Variants in WFDC8 observed in about 807,000 individuals in gnomAD.
The protein encoded by WFDC8 is WAP four-disulfide core domain protein 8.
A neutral mutation model predicts 27.0 loss-of-function variants in WFDC8; 24 were observed. That is an observed-to-expected ratio of 0.89 (90% confidence interval 0.64 to 1.25). The LOEUF (loss-of-function observed/expected upper bound fraction) is 1.25. WFDC8 is among the 50% of genes most tolerant of loss of function. The pLI, the probability that WFDC8 is intolerant of heterozygous loss-of-function variation, is 0.00. For synonymous variants in WFDC8, 106 were observed against 99.7 expected, an observed-to-expected ratio of 1.06 and a Z score of -0.38; for missense variants, 287 against 295.9, an observed-to-expected ratio of 0.97 and a Z score of 0.22.
intron 1 of WFDC8, among the ~76,000 whole-genome samples, chr20:45,570,855 C>T (rs1034538292): frequency 2.6e-5 from 4 of 152,152 alleles, no homozygotes; most frequent in African/African-American, 7.2e-5. Context: ...TTATTTTAGT[C>T]GTTCTAATAG....
intron 1 of WFDC8, among the ~76,000 whole-genome samples, chr20:45,573,106 C>G (rs545524963): frequency 2.0e-5 from 3 of 152,124 alleles, no homozygotes; most frequent in African/African-American, 7.2e-5. Flanking sequence ...GCTATGCAAA[C>G]GCTTTGTAAT....
Position 45,562,107 on chromosome 20 carries a change from C to G in WFDC8, c.136+3G>C. 6.2e-7 allele frequency: 1 copy of G among 1,613,616 alleles called. No individual in the cohort carries two copies. The highest frequency in any genetic ancestry group is 8.5e-7 in the Non-Finnish European group (1 of 1,179,666). ...AGAATGGCTGCAGCTTTTTTGAACT[C>G]ACGTTTGATCTTCTTGGTCAGCATT... On this transcript the variant is annotated splice_donor_region_variant and intron_variant, in intron 2 of 5. Coordinates refer to ENST00000289953, the MANE Select transcript of WFDC8 (RefSeq NM_130896.3).
At chr20:45,557,686 G>A (rs1980313914) in intron 3 of WFDC8, among the ~76,000 whole-genome samples, 1 of 152,162 alleles carries the variant, frequency 6.6e-6, no homozygotes, top group Admixed American at 6.5e-5. Context: ...ACCCGCCTTG[G>A]CCTCCCAAAG....
At chr20:45,565,902 G>GT (rs200006253) in intron 1 of WFDC8, among the ~76,000 whole-genome samples, 2,905 of 152,178 alleles carry the variant, frequency 0.019, 108 homozygotes, top group Admixed American at 0.099. Flanking sequence ...GTGCCATCAA[G>GT]TTTTTTAAAA....
intron 3 of WFDC8, among the ~76,000 whole-genome samples, chr20:45,558,614 G>A: frequency 6.6e-6 from 1 of 152,192 alleles, no homozygotes; most frequent in Non-Finnish European, 1.5e-5. Context: ...CATGCAACAA[G>A]TATTAGTTAT....
At position 45,575,556 on chromosome 20, in the gene WFDC8, TG is replaced by T. The variant is rs1234547319; in HGVS notation, c.26+3665del. On this transcript the variant is annotated intron_variant, in intron 1 of 5. Transcript: ENST00000289953. Reference sequence around the variant, plus strand: ...AGATATTTCATATTCATATTTCATATGGATTAGAAGAATTAATATTGTTAAA... The same window carrying T: ...AGATATTTCATATTCATATTTCATATGATTAGAAGAATTAATATTGTTAAA... 7.9e-5 allele frequency among the ~76,000 whole-genome samples: 12 copies of T among 151,386 alleles called. 1 individual carries two copies. Among genetic ancestry groups the T allele is most frequent in the Non-Finnish European group, 1.8e-4 (12 of 67,708 alleles).
At chr20:45,565,022 A>AAGAAAG (rs1555798557) in intron 1 of WFDC8, among the ~76,000 whole-genome samples, 1,849 of 64,426 alleles carry the variant, frequency 0.029, 42 homozygotes, top group African/African-American at 0.086. Context: ...AAGAGAAAGA[A>AAGAAAG]AGGAAGGAAG....
chr20:45,561,718 A>G lies in WFDC8; in HGVS notation c.136+392T>C, dbSNP rs1980473899. On this transcript the variant is annotated intron_variant, in intron 2 of 5. Coordinates refer to ENST00000289953, the MANE Select transcript of WFDC8 (RefSeq NM_130896.3). ...CAGGCTCATGCCTAGTGACTTATTA[A>G]TTAAAAAACAATTAAACTTGCGTGT... Among the ~76,000 whole-genome samples the G allele has an allele frequency of 3.4e-5, 5 of 148,522 alleles. No homozygotes were observed. In the South Asian group the frequency reaches 1.1e-3, roughly 32 times the overall value.
intron 1 of WFDC8, among the ~76,000 whole-genome samples, chr20:45,567,561 C>A (rs6104228): frequency 0.37 from 56,027 of 151,988 alleles, 10,945 homozygotes; most frequent in Non-Finnish European, 0.43. Flanking sequence ...CTGCTGTGAC[C>A]TTCTCACTAG....
intron 1 of WFDC8, among the ~76,000 whole-genome samples, chr20:45,565,277 G>A (rs2868305): frequency 0.39 from 58,433 of 151,572 alleles, 11,671 homozygotes; most frequent in Non-Finnish European, 0.43. Flanking sequence ...TTTTACCTCC[G>A]TCTACCCTTT....
chr20:45,576,341 C>A (rs560895311), intron 1 of WFDC8, among the ~76,000 whole-genome samples: 2 of 150,662 alleles, frequency 1.3e-5, no homozygotes, highest in African/African-American at 4.8e-5. Context: ...TGAACTGAGT[C>A]TTTTACCATT....
intron 1 of WFDC8, 131 bp downstream of exon 1, chr20:45,579,091 T>C: frequency 2.4e-6 from 2 of 838,606 alleles, no homozygotes; most frequent in Non-Finnish European, 4.0e-6. Flanking sequence ...CTCTGTTCTG[T>C]GGAACCCCTC....
chr20:45,552,984 T>C lies in WFDC8; in HGVS notation c.586+152A>G, dbSNP rs1293810576. On this transcript the variant is annotated intron_variant, in intron 5 of 5. Coordinates refer to ENST00000289953, the MANE Select transcript of WFDC8 (RefSeq NM_130896.3). Reference sequence around the variant, plus strand: ...GTCTTCAGAGGTCAAGAGGTCAATATAACTTGTTGGGCATTAAAAGGGGTT... The same window carrying C: ...GTCTTCAGAGGTCAAGAGGTCAATACAACTTGTTGGGCATTAAAAGGGGTT... 7 of 866,496 alleles carry C rather than the reference T, an allele frequency of 8.1e-6. No homozygotes were observed. In the Admixed American group the frequency reaches 1.8e-4, roughly 22 times the overall value. The allele number at this position is 866,496 out of a possible 1,614,324, so 53.7% of individuals were successfully genotyped here.
chr20:45,561,994 G>T, intron 2 of WFDC8, 116 bp downstream of exon 2: 1 of 899,934 alleles, frequency 1.1e-6, no homozygotes, highest in Non-Finnish European at 1.7e-6. Context: ...AGCTTTCTGT[G>T]GCCCCAAATC....
intron 2 of WFDC8, 39 bp downstream of exon 2, chr20:45,562,071 C>T: frequency 6.3e-7 from 1 of 1,583,434 alleles, no homozygotes; most frequent in Non-Finnish European, 8.7e-7. Flanking sequence ...CCCAATAATG[C>T]TTTCTAAGGA....
rs191404558 is a variant in WFDC8 at position 45,561,090 on chromosome 20, T to C, written c.136+1020A>G. On this transcript the variant is annotated intron_variant, in intron 2 of 5. Coordinates refer to ENST00000289953, the MANE Select transcript of WFDC8 (RefSeq NM_130896.3). The stretch of plus-strand genomic sequence containing the variant: ...CTTTCCCCATTGTCAGCTTGAACTC[T>C]CACTTATTAATAAAAACCCTCCTCC... Among the ~76,000 whole-genome samples the C allele has an allele frequency of 3.5e-3, 529 of 152,288 alleles. 2 individuals are homozygous for C. The highest frequency in any genetic ancestry group is 5.7e-3 in the Non-Finnish European group (385 of 68,008).
chr20:45,552,272 T>C (rs1232322404), intron 5 of WFDC8, 107 bp from the exon 6 acceptor site: 2 of 1,335,328 alleles, frequency 1.5e-6, no homozygotes, highest in Non-Finnish European at 2.1e-6. Flanking sequence ...CTGATTAAGC[T>C]TCTTACCTTT....
chr20:45,572,741 G>A (rs1980912346), intron 1 of WFDC8, among the ~76,000 whole-genome samples: 1 of 152,180 alleles, frequency 6.6e-6, no homozygotes, highest in Admixed American at 6.5e-5. Context: ...CGAGTAGCTG[G>A]AACTACAGGC....
At chr20:45,552,214 T>C in intron 5 of WFDC8, 49 bp from the exon 6 acceptor site, 1 of 1,601,072 alleles carries the variant, frequency 6.2e-7, no homozygotes, top group Non-Finnish European at 8.5e-7. Flanking sequence ...TTGGTCATAA[T>C]TTGAGACAAA....
Sources: allele counts gnomAD v4.1 joint callset (sites outside exome capture counted in the v4.1 genomes callset), GRCh38; gene constraint gnomAD v4.1.1; transcripts MANE v1.5; gene names NCBI Gene and HGNC (gene_info 2026-07-23, HGNC 2026-07-21).